ZNF385B: variants seen among roughly 807,000 people sequenced by gnomAD.
ZNF385B encodes zinc finger protein 533.
In ZNF385B, 23 loss-of-function variants were observed where a neutral mutation model predicts 39.2. The observed-to-expected ratio is 0.59, with a 90% CI of 0.42 to 0.83. ZNF385B has a LOEUF of 0.83. Among genes scored for constraint, ZNF385B ranks in the 40% least tolerant of loss-of-function variants. The pLI is 0.00. For synonymous variants in ZNF385B, 205 were observed against 222.6 expected, an observed-to-expected ratio of 0.92 and a Z score of 0.70; for missense variants, 552 against 598.9, an observed-to-expected ratio of 0.92 and a Z score of 0.82.
intron 6 of ZNF385B, among the ~76,000 whole-genome samples, chr2:179,456,639 C>T (rs977929095): frequency 2.6e-5 from 4 of 152,098 alleles, no homozygotes; most frequent in African/African-American, 9.7e-5. Flanking sequence ...AACCATTGTT[C>T]TTAAAAGCTG....
intron 3 of ZNF385B, among the ~76,000 whole-genome samples, chr2:179,631,198 A>C (rs1691178340): frequency 6.6e-6 from 1 of 152,194 alleles, no homozygotes; most frequent in African/African-American, 2.4e-5. Flanking sequence ...CGACACGAGC[A>C]ACCACAGGAC....
At chr2:179,587,455 C>T (rs1687179020) in intron 3 of ZNF385B, among the ~76,000 whole-genome samples, 1 of 152,108 alleles carries the variant, frequency 6.6e-6, no homozygotes, top group African/African-American at 2.4e-5. Context: ...CTAGTTTGTC[C>T]TTTTCGTTCA....
intron 3 of ZNF385B, among the ~76,000 whole-genome samples, chr2:179,629,437 C>A (rs975294794): frequency 6.6e-6 from 1 of 151,542 alleles, no homozygotes; most frequent in African/African-American, 2.4e-5. Context: ...TAAAAAACTA[C>A]ACTGTATGCA....
chr2:179,518,872 G>A lies in ZNF385B; in HGVS notation c.442-234C>T, dbSNP rs115494204. On this transcript the variant is annotated intron_variant, in intron 4 of 9. Coordinates refer to ENST00000410066, the MANE Select transcript of ZNF385B (RefSeq NM_152520.6). The stretch of plus-strand genomic sequence containing the variant: ...GAAAACATAACTCAGAAAAAACCAC[G>A]AGAGAATCACCATATTTCCAGAAAC... Among the ~76,000 whole-genome samples, 1,259 of 152,196 alleles carry A rather than the reference G, an allele frequency of 8.3e-3. 17 individuals are homozygous for A. The highest frequency in any genetic ancestry group is 0.028 in the African/African-American group (1,152 of 41,536).
chr2:179,820,417 CATT>C (rs999176788), intron 1 of ZNF385B, among the ~76,000 whole-genome samples: 2 of 151,734 alleles, frequency 1.3e-5, no homozygotes, highest in Non-Finnish European at 2.9e-5. Context: ...ATGTTCATAT[CATT>C]GTTTGATTTT....
At chr2:179,606,930 AGTGTGTGCTAT>A (rs1688852668) in intron 3 of ZNF385B, among the ~76,000 whole-genome samples, 1 of 152,010 alleles carries the variant, frequency 6.6e-6, no homozygotes, top group Non-Finnish European at 1.5e-5. Context: ...CACCTTGGGG[AGTGTGTGCTAT>A]GTATCTCCTG....
intron 3 of ZNF385B, among the ~76,000 whole-genome samples, chr2:179,588,666 A>G (rs1439281662): frequency 5.3e-5 from 8 of 152,150 alleles, no homozygotes; most frequent in Non-Finnish European, 1.0e-4. Flanking sequence ...CTCTGAGCAG[A>G]CATCCCGGAC....
intron 4 of ZNF385B, among the ~76,000 whole-genome samples, chr2:179,523,345 TGC>T (rs1282462956): frequency 1.9e-5 from 2 of 105,712 alleles, no homozygotes; most frequent in Non-Finnish European, 3.9e-5. Flanking sequence ...CAAATCTGTG[TGC>T]GTTTTTTTTT....
At chr2:179,468,529 A>G (rs897443086) in intron 6 of ZNF385B, among the ~76,000 whole-genome samples, 3 of 152,242 alleles carry the variant, frequency 2.0e-5, no homozygotes, top group African/African-American at 4.8e-5. Context: ...TGGGAGTAAG[A>G]TTAAAAACTA....
At chr2:179,605,419 T>G (rs576217107) in intron 3 of ZNF385B, among the ~76,000 whole-genome samples, 20 of 152,254 alleles carry the variant, frequency 1.3e-4, no homozygotes, top group African/African-American at 4.6e-4. Context: ...GAATCATCAA[T>G]TGTTAATAAG....
chr2:179,595,409 G>A (rs1359361681), intron 3 of ZNF385B, among the ~76,000 whole-genome samples: 1 of 152,106 alleles, frequency 6.6e-6, no homozygotes, highest in Non-Finnish European at 1.5e-5. Flanking sequence ...TCCCATGGAT[G>A]GTTTGGGTTC....
intron 5 of ZNF385B, among the ~76,000 whole-genome samples, chr2:179,506,366 G>T (rs1574500639): frequency 6.6e-6 from 1 of 152,134 alleles, no homozygotes; most frequent in African/African-American, 2.4e-5. Flanking sequence ...AATATAAATT[G>T]TAGCTCATAC....
At chr2:179,578,231 G>A (rs1686063716) in intron 3 of ZNF385B, among the ~76,000 whole-genome samples, 1 of 152,078 alleles carries the variant, frequency 6.6e-6, no homozygotes, top group South Asian at 2.1e-4. Flanking sequence ...CTATGAACCA[G>A]TGCCTGTGTT....
intron 1 of ZNF385B, among the ~76,000 whole-genome samples, chr2:179,803,652 A>G (rs957441925): frequency 6.6e-6 from 1 of 152,194 alleles, no homozygotes; most frequent in Non-Finnish European, 1.5e-5. Context: ...ACAAATCTCA[A>G]TGGACAGAAC....
At chr2:179,715,438 G>C (rs1338488955) in intron 3 of ZNF385B, among the ~76,000 whole-genome samples, 1 of 152,156 alleles carries the variant, frequency 6.6e-6, no homozygotes, top group African/African-American at 2.4e-5. Flanking sequence ...AAGTGTGTTT[G>C]CATGAGGATT....
At chr2:179,543,109 T>TA (rs2060024203) in intron 4 of ZNF385B, among the ~76,000 whole-genome samples, 1 of 152,014 alleles carries the variant, frequency 6.6e-6, no homozygotes, top group African/African-American at 2.4e-5. Flanking sequence ...CTGTCTCTAT[T>TA]AAAAACACAA....
intron 3 of ZNF385B, among the ~76,000 whole-genome samples, chr2:179,732,348 C>T (rs934087579): frequency 1.3e-5 from 2 of 152,160 alleles, no homozygotes; most frequent in African/African-American, 4.8e-5. Flanking sequence ...GTAGGAAATA[C>T]ATAAATGCCA....
At chr2:179,838,742 G>T (rs1229603971) in intron 1 of ZNF385B, among the ~76,000 whole-genome samples, 1 of 152,050 alleles carries the variant, frequency 6.6e-6, no homozygotes, top group Non-Finnish European at 1.5e-5. Flanking sequence ...TCTCCAGTCT[G>T]TCATATTCAA....
chr2:179,618,900 A>AT (rs1178710965), intron 3 of ZNF385B, among the ~76,000 whole-genome samples: 1 of 152,186 alleles, frequency 6.6e-6, no homozygotes, highest in Admixed American at 6.5e-5. Context: ...CACAGTTACT[A>AT]TGGTTAGGAA....
Sources: allele counts gnomAD v4.1 joint callset (sites outside exome capture counted in the v4.1 genomes callset), GRCh38; gene constraint gnomAD v4.1.1; transcripts MANE v1.5; gene names NCBI Gene and HGNC (gene_info 2026-07-23, HGNC 2026-07-21).